Variants in CC2D2B observed in about 807,000 individuals in gnomAD.
The protein encoded by CC2D2B is coiled-coil and C2 domain containing 2B, also known as protein CC2D2B.
In CC2D2B, 128 loss-of-function variants were observed where a neutral mutation model predicts 161.2. The ratio of observed to expected loss-of-function variants is 0.79; its 90% CI spans 0.69 to 0.92. The LOEUF is 0.92. Ranked by LOEUF, CC2D2B falls within the 40% of genes least tolerant of loss-of-function variation. The probability of loss-of-function intolerance (pLI) is 0.00; values close to 1 mark genes in which losing one functional copy is unlikely to be tolerated. For synonymous variants in CC2D2B, 391 were observed against 449.8 expected (o/e 0.87, Z 1.65); for missense variants, 1,173 against 1,375.1 (o/e 0.85, Z 2.32).
At chr10:95,957,310 T>G (rs572709787) in intron 11 of CC2D2B, among the ~76,000 whole-genome samples, 185 of 152,288 alleles carry the variant, frequency 1.2e-3, no homozygotes, top group Non-Finnish European at 2.3e-3. Flanking sequence ...CCTCTATCTC[T>G]GGATAAAGTG....
chr10:95,936,925 C>T lies in CC2D2B; in HGVS notation c.337-1066C>T, dbSNP rs1405173180. ...GAGAGCTCCAGTTGGAGCAAAGAGG[C>T]TTTGTAGTCTACGACTGGGATCTTC... On this transcript the variant is annotated intron_variant, in intron 6 of 34. Coordinates refer to ENST00000646931, the MANE Select transcript of CC2D2B (RefSeq NM_001349008.3). 2.6e-5 allele frequency among the ~76,000 whole-genome samples: 4 copies of T among 152,158 alleles called. No homozygotes were observed. In the East Asian group the frequency reaches 7.7e-4, roughly 29 times the overall value.
intron 6 of CC2D2B, 111 bp downstream of exon 6, chr10:95,927,443 C>T (rs1590377774): frequency 3.1e-6 from 2 of 638,682 alleles, no homozygotes; most frequent in East Asian, 5.6e-5. Flanking sequence ...ATTATTGTGC[C>T]TTCATCTTCT....
intron 10 of CC2D2B, among the ~76,000 whole-genome samples, chr10:95,951,833 C>T (rs1286052132): frequency 6.6e-6 from 1 of 151,934 alleles, no homozygotes; most frequent in African/African-American, 2.4e-5. Context: ...TTATTATTTG[C>T]AATATGTTTC....
chr10:95,988,948 T>C (rs551341389), intron 20 of CC2D2B, among the ~76,000 whole-genome samples: 5 of 152,174 alleles, frequency 3.3e-5, no homozygotes, highest in Non-Finnish European at 7.3e-5. Context: ...TATCTTACAC[T>C]GAGAAAATGC....
intron 6 of CC2D2B, among the ~76,000 whole-genome samples, chr10:95,932,780 T>C (rs2075656543): frequency 6.6e-6 from 1 of 152,210 alleles, no homozygotes; most frequent in South Asian, 2.1e-4. Context: ...CCTTTGTGGG[T>C]AACTTGACCT....
At chr10:95,976,055 A>G (rs1301118504) in intron 17 of CC2D2B, among the ~76,000 whole-genome samples, 1 of 152,048 alleles carries the variant, frequency 6.6e-6, no homozygotes, top group Non-Finnish European at 1.5e-5. Context: ...AATTCTACAG[A>G]CGCATTTATA....
chr10:96,004,096 GA>G, intron 24 of CC2D2B, 55 bp from the exon 25 acceptor site: 1 of 1,002,262 alleles, frequency 1.0e-6, no homozygotes, highest in Non-Finnish European at 1.5e-6. Context: ...GTGCTCTTAG[GA>G]AATAAGTGGA....
At position 95,947,111 on chromosome 10, in the gene CC2D2B, ATAT is replaced by A. The variant is rs1283914813; in HGVS notation, c.802-2783_802-2781del. Among the ~76,000 whole-genome samples the A allele has an allele frequency of 0.014, 561 of 40,698 alleles. 8 individuals carry two copies. In the East Asian group the frequency reaches 0.19, roughly 14 times the overall value. The allele number at this position is 40,698 out of a possible 152,430, so 26.7% of individuals were successfully genotyped here. On this transcript the variant is annotated intron_variant, in intron 9 of 34. Transcript: ENST00000646931. ...TATATATATATATATATATATATATATATTTTTTTTTTTTTTTTTGAGACAAAG... is the reference window on the plus strand; with the variant it reads ...TATATATATATATATATATATATATATTTTTTTTTTTTTTTTGAGACAAAG...
chr10:95,958,231 C>T (rs1163681101), intron 11 of CC2D2B, among the ~76,000 whole-genome samples: 1 of 152,172 alleles, frequency 6.6e-6, no homozygotes, highest in Non-Finnish European at 1.5e-5. Flanking sequence ...TGGCTCCAAG[C>T]CTGTAATCCC....
At chr10:95,982,253 C>A in intron 18 of CC2D2B, 140 bp downstream of exon 18, 1 of 468,006 alleles carries the variant, frequency 2.1e-6, no homozygotes. Flanking sequence ...AGGACAGAGA[C>A]CATTTTCAAC....
At chr10:95,981,262 C>T (rs111776291) in intron 17 of CC2D2B, among the ~76,000 whole-genome samples, 3,248 of 152,084 alleles carry the variant, frequency 0.021, 105 homozygotes, top group African/African-American at 0.069. Flanking sequence ...CGTGGTAGCA[C>T]GTGCCTGTAG....
intron 6 of CC2D2B, 103 bp from the exon 7 acceptor site, chr10:95,937,888 C>G: frequency 1.5e-6 from 1 of 681,492 alleles, no homozygotes. Flanking sequence ...GTGGCAGGAT[C>G]AGACGCACAG....
At chr10:96,000,615 C>T (rs2078446326) in intron 24 of CC2D2B, among the ~76,000 whole-genome samples, 1 of 152,106 alleles carries the variant, frequency 6.6e-6, no homozygotes, top group South Asian at 2.1e-4. Context: ...CCTCCCGCCT[C>T]GGCCTCCCAA....
intron 23 of CC2D2B, among the ~76,000 whole-genome samples, chr10:95,995,911 CT>C (rs1321598618): frequency 1.4e-4 from 22 of 152,144 alleles, no homozygotes; most frequent in Admixed American, 1.2e-3. Context: ...ATATTTTCCC[CT>C]GATAGACTTT....
intron 17 of CC2D2B, among the ~76,000 whole-genome samples, chr10:95,977,493 C>T (rs1242388406): frequency 4.6e-5 from 7 of 152,216 alleles, no homozygotes; most frequent in Admixed American, 2.0e-4. Flanking sequence ...TTTTCTTACA[C>T]ACACTAGTTA....
chr10:95,944,357 T>C (rs1033102030), intron 9 of CC2D2B, among the ~76,000 whole-genome samples: 26 of 152,176 alleles, frequency 1.7e-4, no homozygotes, highest in Non-Finnish European at 1.0e-4. Flanking sequence ...CTTCATGTAT[T>C]TTCCCAGTTG....
rs772567022 is a variant in CC2D2B, at chr10:95,974,090, G to A, written c.1877G>A (p.Trp626Ter). The change falls in exon 17 of 35, where the codon TGG becomes TAG. Residue 626 changes from tryptophan to a stop codon, truncating the protein, a stop_gained. Transcript: ENST00000646931. LOFTEE classifies it high-confidence loss of function. The part of the protein sequence containing the change: ...TSGKLSYSLS[W>*]SLDENGLPLI... ...GGAAAACTTAGCTATTCTCTATCAT[G>A]GAGCTTAGATGAAAATGGTCTTCCT... is the stretch of plus-strand genomic sequence containing the variant. The A allele has an allele frequency of 1.6e-6, 2 of 1,229,906 alleles. No homozygotes were observed. The highest frequency in any genetic ancestry group is 4.2e-5 in the Admixed American group (1 of 23,704). 76.2% of individuals were successfully genotyped at this position (1,229,906 alleles called of 1,614,324 possible).
chr10:95,966,358 T>C (rs966673894), intron 14 of CC2D2B, 56 bp downstream of exon 14: 3 of 650,590 alleles, frequency 4.6e-6, no homozygotes, highest in Admixed American at 4.4e-5. Flanking sequence ...AATTGGATTG[T>C]TTTTAATAAT....
intron 9 of CC2D2B, among the ~76,000 whole-genome samples, chr10:95,943,819 T>C (rs577654305): frequency 9.3e-4 from 141 of 152,316 alleles, no homozygotes; most frequent in Non-Finnish European, 1.7e-3. Flanking sequence ...TACATTATTA[T>C]ATATGAAAAA....
Sources: gnomAD v4.1 joint callset for allele counts (sites outside exome capture counted in the v4.1 genomes callset) on GRCh38, gnomAD v4.1.1 for gene constraint, MANE v1.5 for transcripts, NCBI Gene and HGNC (gene_info 2026-07-23, HGNC 2026-07-21) for gene names.